The following PCDH7 variants were observed in gnomAD, a reference collection of about 807,000 sequenced individuals.
PCDH7 encodes the protein protocadherin 7, also known as protocadherin-7.
In PCDH7, 17 loss-of-function variants were observed where a neutral mutation model predicts 58.9. That is an observed-to-expected ratio of 0.29 (90% CI 0.20 to 0.43). The LOEUF (loss-of-function observed/expected upper bound fraction) is 0.43. PCDH7 is among the 20% of genes least tolerant of loss of function. The probability of loss-of-function intolerance (pLI) is 1.00; values close to 1 mark genes in which losing one functional copy is unlikely to be tolerated. For synonymous variants in PCDH7, 664 were observed against 616.4 expected (o/e 1.08, Z -1.14); for missense variants, 1,274 against 1,441.0 (o/e 0.88, Z 1.88).
intron 1 of PCDH7, among the ~76,000 whole-genome samples, chr4:30,824,127 CT>C (rs1728777066): frequency 1.4e-5 from 2 of 144,240 alleles, no homozygotes; most frequent in Non-Finnish European, 3.0e-5. Context: ...TTCTTTCTTT[CT>C]TTCTTTCTTT....
chr4:30,858,407 G>C (rs1733765562), intron 1 of PCDH7, among the ~76,000 whole-genome samples: 1 of 151,892 alleles, frequency 6.6e-6, no homozygotes, highest in Admixed American at 6.6e-5. Context: ...ATAATTTTCT[G>C]TTTTATTTCC....
chr4:30,823,217 T>C (rs1033832069), intron 1 of PCDH7, among the ~76,000 whole-genome samples: 1 of 152,146 alleles, frequency 6.6e-6, no homozygotes. Flanking sequence ...AGGCATGATT[T>C]GGGTCTTCTG....
chr4:30,966,145 T>C (rs975589309), intron 3 of PCDH7, among the ~76,000 whole-genome samples: 5 of 152,170 alleles, frequency 3.3e-5, no homozygotes, highest in Non-Finnish European at 7.4e-5. Flanking sequence ...TGACTGCTGC[T>C]GGTTAGATGT....
chr4:30,896,385 G>T (rs1435907714), intron 1 of PCDH7, among the ~76,000 whole-genome samples: 2 of 152,034 alleles, frequency 1.3e-5, no homozygotes, highest in Non-Finnish European at 1.5e-5. Context: ...GCTCTCAGTG[G>T]TCTGTTTCTG....
chr4:31,003,758 A>C (rs1182994564), intron 3 of PCDH7, among the ~76,000 whole-genome samples: 1 of 152,172 alleles, frequency 6.6e-6, no homozygotes, highest in African/African-American at 2.4e-5. Flanking sequence ...ATACAAAAAA[A>C]TTAGCCAAGC....
intron 1 of PCDH7, among the ~76,000 whole-genome samples, chr4:30,760,775 A>C (rs1293562170): frequency 6.6e-6 from 1 of 152,156 alleles, no homozygotes; most frequent in Non-Finnish European, 1.5e-5. Context: ...GAGCATGGCT[A>C]TACAGTGAGA....
chr4:31,065,923 TG>T (rs1462670096), intron 3 of PCDH7, among the ~76,000 whole-genome samples: 2 of 151,952 alleles, frequency 1.3e-5, no homozygotes, highest in African/African-American at 4.8e-5. Flanking sequence ...TGAGTTATTT[TG>T]GTAATGGAGG....
intron 3 of PCDH7, among the ~76,000 whole-genome samples, chr4:30,958,176 T>C (rs999858442): frequency 3.9e-5 from 6 of 152,038 alleles, no homozygotes; most frequent in Non-Finnish European, 7.4e-5. Context: ...TTTAGTTAAT[T>C]AGTAAGATAG....
chr4:30,821,725 C>T (rs752540805), intron 1 of PCDH7, among the ~76,000 whole-genome samples: 10 of 152,126 alleles, frequency 6.6e-5, no homozygotes, highest in Admixed American at 1.3e-4. Context: ...TTCATGGGAA[C>T]CCAGGGTTTT....
rs535035789 is a variant in PCDH7, at chr4:30,951,713, T to A, written c.*7+1498T>A. 2.5e-3 allele frequency among the ~76,000 whole-genome samples: 377 copies of A among 152,244 alleles called. 1 individual carries two copies. The highest frequency in any genetic ancestry group is 2.6e-3 in the Non-Finnish European group (175 of 68,010). ...TTCATCCACACAAAGAAACAATGAG[T>A]TAGAAATTATTATTCATTTTATGTA... On this transcript the variant is annotated intron_variant, in intron 3 of 3. Coordinates refer to the PCDH7 transcript ENST00000509759.
At chr4:31,067,852 T>C (rs1398356931) in intron 3 of PCDH7, among the ~76,000 whole-genome samples, 2 of 151,944 alleles carry the variant, frequency 1.3e-5, no homozygotes, top group Non-Finnish European at 2.9e-5. Flanking sequence ...TTGCTGGAGA[T>C]AAATGATATA....
At chr4:30,743,820 T>A (rs550296733) in intron 1 of PCDH7, among the ~76,000 whole-genome samples, 22 of 151,800 alleles carry the variant, frequency 1.4e-4, no homozygotes, top group African/African-American at 5.3e-4. Flanking sequence ...CTAAAAAAAA[T>A]CAGTTTGGTG....
At chr4:31,066,065 G>T (rs1057197408) in intron 3 of PCDH7, among the ~76,000 whole-genome samples, 1 of 151,744 alleles carries the variant, frequency 6.6e-6, no homozygotes, top group African/African-American at 2.4e-5. Context: ...ACTAACCAAT[G>T]ATCACCATCC....
intron 3 of PCDH7, among the ~76,000 whole-genome samples, chr4:31,039,476 G>C (rs191192724): frequency 6.6e-6 from 1 of 152,032 alleles, no homozygotes. Context: ...GGTGCTCTAC[G>C]GCCTTGAATT....
intron 1 of PCDH7, among the ~76,000 whole-genome samples, chr4:30,906,974 G>A (rs570872479): frequency 3.9e-5 from 6 of 152,248 alleles, no homozygotes; most frequent in Non-Finnish European, 8.8e-5. Context: ...AGTGACCCAA[G>A]ATCATGCCAC....
At chr4:30,878,609 G>A (rs1043388351) in intron 1 of PCDH7, among the ~76,000 whole-genome samples, 1 of 152,070 alleles carries the variant, frequency 6.6e-6, no homozygotes, top group Non-Finnish European at 1.5e-5. Flanking sequence ...AAATATTTGG[G>A]GGGCCAAGAT....
chr4:31,051,498 A>T (rs1317983614), intron 3 of PCDH7, among the ~76,000 whole-genome samples: 1 of 152,192 alleles, frequency 6.6e-6, no homozygotes, highest in Non-Finnish European at 1.5e-5. Flanking sequence ...TAATCCCTGG[A>T]TTTTATATGT....
intron 3 of PCDH7, among the ~76,000 whole-genome samples, chr4:31,085,223 G>A (rs577674530): frequency 6.6e-6 from 1 of 152,000 alleles, no homozygotes; most frequent in Non-Finnish European, 1.5e-5. Flanking sequence ...TCAGTTTCTG[G>A]GTGGGGCCGC....
intron 2 of PCDH7, among the ~76,000 whole-genome samples, chr4:30,927,672 A>G (rs1052783243): frequency 6.6e-6 from 1 of 152,112 alleles, no homozygotes; most frequent in African/African-American, 2.4e-5. Flanking sequence ...GCTCGTTAAG[A>G]GTCATCACCA....
Sources: gnomAD v4.1 joint callset for allele counts (sites outside exome capture counted in the v4.1 genomes callset) on GRCh38, gnomAD v4.1.1 for gene constraint, MANE v1.5 for transcripts, NCBI Gene and HGNC (gene_info 2026-07-23, HGNC 2026-07-21) for gene names.